LRRC4C: variants seen among roughly 807,000 people sequenced by gnomAD.
LRRC4C encodes leucine rich repeat containing 4C, also known as leucine-rich repeat-containing protein 4C.
In LRRC4C, 5 loss-of-function variants were observed where a neutral mutation model predicts 33.6. That is an observed-to-expected ratio of 0.15 (90% CI 0.08 to 0.31). LRRC4C has a LOEUF of 0.31. LRRC4C is among the 10% of genes least tolerant of loss of function. The probability of loss-of-function intolerance (pLI) is 1.00; values close to 1 mark genes in which losing one functional copy is unlikely to be tolerated. For synonymous variants in LRRC4C, 329 were observed against 302.0 expected (o/e 1.09, Z -0.93); for missense variants, 560 against 796.7 (o/e 0.70, Z 3.58).
intron 6 of LRRC4C, among the ~76,000 whole-genome samples, chr11:40,137,366 C>T (rs559727550): frequency 1.2e-4 from 18 of 152,148 alleles, no homozygotes; most frequent in African/African-American, 4.1e-4. Flanking sequence ...TTTTTCTCTT[C>T]ACCTCACCCC....
intron 1 of LRRC4C, among the ~76,000 whole-genome samples, chr11:41,315,325 A>G (rs765199184): frequency 7.9e-5 from 12 of 152,218 alleles, no homozygotes; most frequent in Non-Finnish European, 1.3e-4. Flanking sequence ...AGGGATGACA[A>G]TTGTAACCAA....
intron 1 of LRRC4C, among the ~76,000 whole-genome samples, chr11:41,419,221 A>G (rs1050258224): frequency 6.6e-6 from 1 of 151,918 alleles, no homozygotes; most frequent in African/African-American, 2.4e-5. Flanking sequence ...TCTAAGGGAC[A>G]CTGACCCATA....
In LRRC4C at chr11:40,228,429, G is replaced by A. The variant is rs186058415; in HGVS notation, c.-96+13090C>T. Among the ~76,000 whole-genome samples, 392 of 151,316 alleles carry A rather than the reference G, an allele frequency of 2.6e-3. 3 individuals are homozygous for A. Among genetic ancestry groups the A allele is most frequent in the Non-Finnish European group, 4.8e-3 (327 of 67,878 alleles). On this transcript the variant is annotated intron_variant, in intron 5 of 6. Coordinates refer to ENST00000528697, the MANE Select transcript of LRRC4C (RefSeq NM_001258419.2). The stretch of plus-strand genomic sequence containing the variant: ...ACTGTCATGTGCAGCCTTTTTATGA[G>A]AATCTTACTTCAAAGTAAAAAAAAA...
intron 2 of LRRC4C, among the ~76,000 whole-genome samples, chr11:40,744,562 G>A (rs1310546756): frequency 2.0e-5 from 3 of 152,100 alleles, no homozygotes; most frequent in Admixed American, 2.0e-4. Context: ...AACTTCATGA[G>A]AGAAGCCATT....
intron 1 of LRRC4C, among the ~76,000 whole-genome samples, chr11:41,289,840 G>A (rs1949941048): frequency 6.6e-6 from 1 of 152,186 alleles, no homozygotes; most frequent in Non-Finnish European, 1.5e-5. Context: ...AGTCAAGACA[G>A]GCAAATGCAT....
chr11:40,643,619 A>C (rs1324650232), intron 3 of LRRC4C, among the ~76,000 whole-genome samples: 1 of 148,484 alleles, frequency 6.7e-6, no homozygotes, highest in African/African-American at 2.5e-5. Context: ...CCAATACCCA[A>C]CCCCCCTGCC....
chr11:40,155,576 C>T lies in LRRC4C; in HGVS notation c.-95-14723G>A, dbSNP rs369161337. On this transcript the variant is annotated intron_variant, in intron 5 of 6. Transcript: ENST00000528697. ...AGATCATTCAAGGCTACCATGAATA[C>T]CTTTATGCACATAAATTAGAAAACC... Among the ~76,000 whole-genome samples the T allele has an allele frequency of 9.2e-5, 14 of 152,126 alleles. No individual in the cohort carries two copies. The East Asian group carries it at 2.5e-3, about 27-fold the overall frequency.
intron 1 of LRRC4C, among the ~76,000 whole-genome samples, chr11:41,342,856 G>T (rs188689859): frequency 2.0e-5 from 3 of 152,132 alleles, no homozygotes; most frequent in East Asian, 3.9e-4. Context: ...TAACAGTAAC[G>T]TATTCTCTCA....
At chr11:40,152,087 A>G (rs1404581535) in intron 5 of LRRC4C, among the ~76,000 whole-genome samples, 1 of 152,130 alleles carries the variant, frequency 6.6e-6, no homozygotes, top group Non-Finnish European at 1.5e-5. Context: ...AAGGAAATGG[A>G]CTGCTCCTGC....
At chr11:40,305,699 C>T (rs1303547434) in intron 4 of LRRC4C, among the ~76,000 whole-genome samples, 1 of 152,040 alleles carries the variant, frequency 6.6e-6, no homozygotes, top group East Asian at 1.9e-4. Context: ...AAGCCCAACA[C>T]CAGAAGTTTC....
chr11:41,364,056 AT>A (rs1301407247), intron 1 of LRRC4C, among the ~76,000 whole-genome samples: 3 of 152,114 alleles, frequency 2.0e-5, no homozygotes, highest in Non-Finnish European at 4.4e-5. Flanking sequence ...GAAAGTGATC[AT>A]TTCTTTCTAG....
At chr11:40,229,530 C>T (rs1865053017) in intron 5 of LRRC4C, among the ~76,000 whole-genome samples, 1 of 152,126 alleles carries the variant, frequency 6.6e-6, no homozygotes, top group African/African-American at 2.4e-5. Flanking sequence ...ACCTCAGCCT[C>T]CCAAAGGGCT....
At chr11:40,342,910 C>A (rs1183839317) in intron 3 of LRRC4C, among the ~76,000 whole-genome samples, 1 of 152,110 alleles carries the variant, frequency 6.6e-6, no homozygotes, top group African/African-American at 2.4e-5. Flanking sequence ...ATCTTTTAGT[C>A]TAGTCATCTC....
chr11:41,296,249 G>A (rs1005662495), intron 1 of LRRC4C, among the ~76,000 whole-genome samples: 1 of 152,058 alleles, frequency 6.6e-6, no homozygotes, highest in Non-Finnish European at 1.5e-5. Flanking sequence ...AATCCTGGCG[G>A]TTGTTCTGAG....
chr11:40,194,644 T>G (rs955629133), intron 5 of LRRC4C, among the ~76,000 whole-genome samples: 11 of 151,722 alleles, frequency 7.3e-5, no homozygotes, highest in Admixed American at 2.0e-4. Context: ...AAGGGAGGGA[T>G]AGCATTAGGA....
At chr11:40,729,798 G>A (rs1947467044) in intron 2 of LRRC4C, among the ~76,000 whole-genome samples, 1 of 152,034 alleles carries the variant, frequency 6.6e-6, no homozygotes, top group Non-Finnish European at 1.5e-5. Context: ...TTTTTATAAT[G>A]GTAGAATCAT....
chr11:41,002,129 TAA>T (rs1854425995), intron 1 of LRRC4C, among the ~76,000 whole-genome samples: 1 of 152,138 alleles, frequency 6.6e-6, no homozygotes, highest in South Asian at 2.1e-4. Context: ...AGTTAAATAT[TAA>T]AGACAAATAA....
intron 2 of LRRC4C, among the ~76,000 whole-genome samples, chr11:40,830,962 A>C (rs1220955466): frequency 6.6e-6 from 1 of 152,132 alleles, no homozygotes; most frequent in Admixed American, 6.6e-5. Context: ...ACCCAAAGAC[A>C]CTTGTTGGAA....
intron 1 of LRRC4C, among the ~76,000 whole-genome samples, chr11:41,398,382 A>G (rs966924378): frequency 6.6e-6 from 1 of 152,010 alleles, no homozygotes; most frequent in Non-Finnish European, 1.5e-5. Flanking sequence ...TCTCTAGTCT[A>G]CATGTTTACT....
Sources: allele counts gnomAD v4.1 joint callset (sites outside exome capture counted in the v4.1 genomes callset), GRCh38; gene constraint gnomAD v4.1.1; transcripts MANE v1.5; gene names NCBI Gene and HGNC (gene_info 2026-07-23, HGNC 2026-07-21).